CHRNA7: variants seen among roughly 807,000 people sequenced by gnomAD.
CHRNA7 encodes the protein neuronal acetylcholine receptor subunit alpha-7.
In CHRNA7, 17 loss-of-function variants were observed where a neutral mutation model predicts 48.0. The observed-to-expected ratio is 0.35, with a 90% CI of 0.24 to 0.53. CHRNA7 has a LOEUF of 0.53. CHRNA7 is among the 20% of genes least tolerant of loss of function. The pLI is 0.92. For synonymous variants in CHRNA7, 75 were observed against 242.3 expected, an observed-to-expected ratio of 0.31 and a Z score of 6.41; for missense variants, 155 against 577.7, an observed-to-expected ratio of 0.27 and a Z score of 7.50.
chr15:32,145,762 G>A (rs1256490058), intron 4 of CHRNA7, among the ~76,000 whole-genome samples: 2 of 152,192 alleles, frequency 1.3e-5, no homozygotes, highest in Admixed American at 6.5e-5. Flanking sequence ...TCTGCTGATC[G>A]CTAAGACCGT....
At chr15:32,052,155 A>G (rs28546607) in intron 2 of CHRNA7, among the ~76,000 whole-genome samples, 5,301 of 151,196 alleles carry the variant, frequency 0.035, 135 homozygotes, top group Middle Eastern at 0.1. Context: ...TGTCCCTGCA[A>G]TTCCTCACTG....
chr15:32,132,463 G>A (rs764275215), intron 4 of CHRNA7, among the ~76,000 whole-genome samples: 1 of 152,156 alleles, frequency 6.6e-6, no homozygotes, highest in Non-Finnish European at 1.5e-5. Flanking sequence ...TATTTAGCAA[G>A]AGTAATAATG....
At chr15:32,057,286 T>G (rs2049802904) in intron 2 of CHRNA7, among the ~76,000 whole-genome samples, 1 of 152,230 alleles carries the variant, frequency 6.6e-6, no homozygotes. Flanking sequence ...AGTGTGTCCC[T>G]CAAATCAGGA....
chr15:32,117,723 G>A (rs900831656), intron 4 of CHRNA7, among the ~76,000 whole-genome samples: 2 of 152,132 alleles, frequency 1.3e-5, no homozygotes, highest in African/African-American at 2.4e-5. Context: ...CTATTATGGA[G>A]TCATGGCAGT....
intron 2 of CHRNA7, among the ~76,000 whole-genome samples, chr15:32,063,560 C>A (rs28535123): frequency 6.6e-6 from 1 of 152,028 alleles, no homozygotes; most frequent in African/African-American, 2.4e-5. Flanking sequence ...CAAGCCTTGC[C>A]GTCTGGAGTT....
chr15:32,050,716 G>A (rs2049654245), intron 2 of CHRNA7, among the ~76,000 whole-genome samples: 1 of 152,064 alleles, frequency 6.6e-6, no homozygotes, highest in Non-Finnish European at 1.5e-5. Flanking sequence ...TAGGAGGAGA[G>A]TCACTCTGCT....
intron 2 of CHRNA7, among the ~76,000 whole-genome samples, chr15:32,051,736 C>T (rs1034217928): frequency 6.6e-6 from 1 of 152,220 alleles, no homozygotes; most frequent in Non-Finnish European, 1.5e-5. Context: ...CACCCGTCTT[C>T]TGCATTGCTC....
At position 32,168,754 on chromosome 15, in the gene CHRNA7, G is replaced by GTGTTTT; in HGVS notation, c.*296_*297insTGTTTT. 9.7e-5 allele frequency: 8 copies of GTGTTTT among 82,286 alleles called. No homozygotes were observed. Among genetic ancestry groups the GTGTTTT allele is most frequent in the Non-Finnish European group, 1.2e-4 (6 of 48,240 alleles). The allele number at this position is 82,286 out of a possible 1,614,324, so 5.1% of individuals were successfully genotyped here. ...CCCACTGCCTGGAAAGCCCTTCGGA[G>GTGTTTT]AGCTCCCCATGGCTCCTCACCACCG... On this transcript the variant is annotated 3_prime_UTR_variant, in exon 10 of 10. Coordinates refer to ENST00000306901, the MANE Select transcript of CHRNA7 (RefSeq NM_000746.6).
chr15:32,048,426 ATTTC>A (rs941195162), intron 2 of CHRNA7, among the ~76,000 whole-genome samples: 2 of 152,052 alleles, frequency 1.3e-5, no homozygotes, highest in Non-Finnish European at 2.9e-5. Context: ...GGAATTTACC[ATTTC>A]TTCTAGATTT....
At chr15:32,125,368 A>G (rs1024804136) in intron 4 of CHRNA7, among the ~76,000 whole-genome samples, 1 of 152,218 alleles carries the variant, frequency 6.6e-6, no homozygotes, top group African/African-American at 2.4e-5. Context: ...AAAGAGTAAA[A>G]GAGTCAGGAA....
At chr15:32,101,468 A>G (rs755765871) in intron 3 of CHRNA7, 121 bp downstream of exon 3, 2 of 1,058,516 alleles carry the variant, frequency 1.9e-6, no homozygotes, top group Non-Finnish European at 2.8e-6. Flanking sequence ...AACCAAAAAA[A>G]CAAAAGGCCA....
intron 2 of CHRNA7, among the ~76,000 whole-genome samples, chr15:32,080,190 T>C (rs2050194386): frequency 6.6e-6 from 1 of 152,080 alleles, no homozygotes; most frequent in Non-Finnish European, 1.5e-5. Context: ...CCCTAAAATA[T>C]AAAAACCTAG....
chr15:32,150,144 T>C (rs2051593534), intron 4 of CHRNA7, among the ~76,000 whole-genome samples: 1 of 152,304 alleles, frequency 6.6e-6, no homozygotes, highest in African/African-American at 2.4e-5. Flanking sequence ...CTCAAACTCC[T>C]GGGCTCAACT....
chr15:32,114,837 A>G (rs1233873277), intron 4 of CHRNA7, among the ~76,000 whole-genome samples: 2 of 152,186 alleles, frequency 1.3e-5, no homozygotes, highest in Non-Finnish European at 2.9e-5. Context: ...TTCACGTGGC[A>G]TTGGGCACAG....
intron 2 of CHRNA7, among the ~76,000 whole-genome samples, chr15:32,096,160 G>T (rs1388229218): frequency 6.6e-6 from 1 of 152,178 alleles, no homozygotes; most frequent in Non-Finnish European, 1.5e-5. Flanking sequence ...CTGGATTATT[G>T]TCGTGAAGCC....
chr15:32,151,613 G>C (rs796636829), intron 4 of CHRNA7, among the ~76,000 whole-genome samples: 2 of 152,122 alleles, frequency 1.3e-5, no homozygotes, highest in African/African-American at 4.8e-5. Context: ...TCTGTGTTAC[G>C]TTTGATCTCT....
intron 2 of CHRNA7, among the ~76,000 whole-genome samples, chr15:32,060,701 A>T (rs972964177): frequency 6.6e-6 from 1 of 152,228 alleles, no homozygotes; most frequent in South Asian, 2.1e-4. Flanking sequence ...CTTAAATCAC[A>T]AATTCTCAGA....
intron 4 of CHRNA7, among the ~76,000 whole-genome samples, chr15:32,137,344 C>CT (rs554249751): frequency 2.7e-4 from 41 of 151,268 alleles, no homozygotes; most frequent in Admixed American, 5.3e-4. Context: ...CACCCCCCCC[C>CT]CACACAAACA....
chr15:32,068,180 C>G (rs183010649), intron 2 of CHRNA7, among the ~76,000 whole-genome samples: 8 of 152,104 alleles, frequency 5.3e-5, no homozygotes, highest in Admixed American at 3.9e-4. Flanking sequence ...GGCATGGTGA[C>G]TCACACCTGT....
Sources: allele counts gnomAD v4.1 joint callset (sites outside exome capture counted in the v4.1 genomes callset), GRCh38; gene constraint gnomAD v4.1.1; transcripts MANE v1.5; gene names NCBI Gene and HGNC (gene_info 2026-07-23, HGNC 2026-07-21).